LTV1: variants seen among roughly 807,000 people sequenced by gnomAD.
The protein encoded by LTV1 is protein LTV1 homolog.
LTV1 carries 39 observed loss-of-function variants against 59.9 expected under a neutral mutation model. The ratio of observed to expected loss-of-function variants is 0.65; its 90% CI spans 0.50 to 0.85. LTV1 has a LOEUF of 0.85. Among genes scored for constraint, LTV1 ranks in the 40% least tolerant of loss-of-function variants. The pLI is 0.00. For synonymous variants in LTV1, 171 were observed against 189.5 expected (o/e 0.90, Z 0.80); for missense variants, 493 against 549.1 (o/e 0.90, Z 1.02).
intron 4 of LTV1, among the ~76,000 whole-genome samples, chr6:143,856,674 T>A (rs961847678): frequency 6.6e-6 from 1 of 152,212 alleles, no homozygotes; most frequent in Non-Finnish European, 1.5e-5. Flanking sequence ...TAGGTTTATT[T>A]CTAACAGTCA....
In LTV1 at chr6:143,846,346, A is replaced by G. The variant is rs746370923; in HGVS notation, c.309+122A>G. 26 of 852,116 alleles carry G rather than the reference A, an allele frequency of 3.1e-5. No homozygotes were observed. In the African/African-American group the frequency reaches 4.0e-4, roughly 13 times the overall value. The allele number at this position is 852,116 out of a possible 1,614,324, so 52.8% of individuals were successfully genotyped here. A position where few individuals can be genotyped will look rare whatever the true frequency, so the allele number is the denominator to read the frequency against. ...GAGCACAAAGATAGACCACGCCTCC[A>G]CTTAAAATTATATATGTGTATGCAT... On this transcript the variant is annotated intron_variant, in intron 3 of 10. Coordinates refer to ENST00000367576, the MANE Select transcript of LTV1 (RefSeq NM_032860.5).
chr6:143,844,745 T>G, intron 2 of LTV1, 128 bp downstream of exon 2: 1 of 952,570 alleles, frequency 1.0e-6, no homozygotes, highest in South Asian at 2.2e-5. Context: ...ACTTAAGCAG[T>G]CCTCCCAGCT....
intron 3 of LTV1, among the ~76,000 whole-genome samples, chr6:143,847,486 C>T (rs1293159850): frequency 6.6e-6 from 1 of 152,158 alleles, no homozygotes; most frequent in Non-Finnish European, 1.5e-5. Flanking sequence ...CTCAGCCTCC[C>T]TAGAAGCTGG....
Position 143,862,396 on chromosome 6 carries a change from C to A in LTV1, c.1063+153C>A, listed in dbSNP as rs1336165366. Among the ~76,000 whole-genome samples the A allele has an allele frequency of 6.6e-6, 1 of 152,056 alleles. No homozygotes were observed. Among genetic ancestry groups the A allele is most frequent in the Non-Finnish European group, 1.5e-5 (1 of 68,000 alleles). On this transcript the variant is annotated intron_variant, in intron 8 of 10. Transcript: ENST00000367576. This position sits in a 1 kb window ranked among gnomAD's most constrained non-coding sequence, Gnocchi z 4.2. ...TGTCAGGAGTTCAAGACCAGCCTGG[C>A]CAACATGGTGAAACCCCGTGTCTAC... is the stretch of plus-strand genomic sequence containing the variant.
In LTV1 at chr6:143,863,099, G is replaced by A. The variant is rs148483467; in HGVS notation, c.1130G>A (p.Arg377Gln). The A allele has an allele frequency of 6.2e-6, 10 of 1,613,388 alleles. No individual in the cohort carries two copies. The highest frequency in any genetic ancestry group is 1.7e-5 in the Admixed American group (1 of 59,966). The change falls in exon 10 of 11, where the codon CGA becomes CAA. Residue 377 changes from arginine to glutamine, a missense_variant. Coordinates refer to ENST00000367576, the MANE Select transcript of LTV1 (RefSeq NM_032860.5). The surrounding 1 kb of genome is among the most constrained non-coding windows in gnomAD (Gnocchi z 4.5). ...IKYQPKPKQIRISSKTGIPLN... is the reference protein window; with the variant it reads ...IKYQPKPKQIQISSKTGIPLN... ...TCTGTATTTCAGCCCAAACAAATTC[G>A]AATATCTTCTAAAACAGGAATACCT...
In LTV1 at chr6:143,863,420, C is replaced by A. The variant is rs145954398; in HGVS notation, c.1321C>A (p.Arg441=). The A allele has an allele frequency of 6.2e-7, 1 of 1,611,660 alleles. No homozygotes were observed. Among genetic ancestry groups the A allele is most frequent in the East Asian group, 2.2e-5 (1 of 44,816 alleles). The change falls in exon 11 of 11, where the codon CGA becomes AGA. Residue 441 remains arginine (R), a synonymous_variant. Coordinates refer to ENST00000367576, the MANE Select transcript of LTV1 (RefSeq NM_032860.5). The surrounding 1 kb of genome is among the most constrained non-coding windows in gnomAD (Gnocchi z 4.5). ...KQAIKEERKE[R]RVEKKANKLA... The stretch of plus-strand genomic sequence containing the variant: ...TATATTCTTGTACTTATAACAGGAA[C>A]GAAGAGTGGAGAAGAAAGCTAACAA...
rs140442587 is a variant in LTV1, at chr6:143,852,209, A to C, written c.397+1991A>C. On this transcript the variant is annotated intron_variant, in intron 4 of 10. Coordinates refer to ENST00000367576, the MANE Select transcript of LTV1 (RefSeq NM_032860.5). ...CCAACAACAACATAAAAGCGTTCCT[A>C]TTTCTCCACATCCTCTCCAGAATCT... 4.1e-3 allele frequency among the ~76,000 whole-genome samples: 631 copies of C among 152,274 alleles called. 6 individuals are homozygous for C. The highest frequency in any genetic ancestry group is 0.018 in the South Asian group (85 of 4,820).
In LTV1 at chr6:143,863,146, G is replaced by GC. The variant is rs1444327436; in HGVS notation, c.1177_1178insC (p.Gly393AlafsTer8). 1 of 1,613,804 alleles carries GC rather than the reference G, an allele frequency of 6.2e-7. No individual in the cohort carries two copies. The highest frequency in any genetic ancestry group is 1.7e-5 in the Admixed American group (1 of 59,996). ...ACCTCTCAATGTCTTACCAAAGAAAGGACTCACAGCAAAGCAAACTGAAAG... is the reference window on the plus strand; with the variant it reads ...ACCTCTCAATGTCTTACCAAAGAAAGCGACTCACAGCAAAGCAAACTGAAAG... On this transcript the variant is annotated frameshift_variant, in exon 10 of 11. Transcript: ENST00000367576. LOFTEE classifies it high-confidence loss of function. The surrounding 1 kb of genome is among the most constrained non-coding windows in gnomAD (Gnocchi z 4.5).
rs1777217470 is a variant in LTV1 at position 143,863,795 on chromosome 6, A to G, written c.*268A>G. The G allele has an allele frequency of 1.1e-5, 3 of 271,350 alleles. No individual in the cohort carries two copies. Among genetic ancestry groups the G allele is most frequent in the African/African-American group, 2.2e-5 (1 of 45,432 alleles). 16.8% of individuals were successfully genotyped at this position (271,350 alleles called of 1,614,324 possible). ...GAAATGTTTGATAAATTAAAGGAAA[A>G]TATCTTCATAACGTGAATGGAATTG... On this transcript the variant is annotated 3_prime_UTR_variant, in exon 11 of 11. Transcript: ENST00000367576. This position sits in a 1 kb window ranked among gnomAD's most constrained non-coding sequence, Gnocchi z 4.5.
chr6:143,846,165 T>G lies in LTV1; in HGVS notation c.250T>G (p.Ser84Ala). ...ATCTGGGCCTTCAGAGCTTATTCCCTCAAGTACCTTCAGTGCACACAACAG... is the reference window on the plus strand; with the variant it reads ...ATCTGGGCCTTCAGAGCTTATTCCCGCAAGTACCTTCAGTGCACACAACAG... ...EPSGPSELIPSSTFSAHNRRE... is the reference protein window; with the variant it reads ...EPSGPSELIPASTFSAHNRRE... The change falls in exon 3 of 11, where the codon TCA (serine) becomes GCA (alanine). Residue 84 changes from serine to alanine, a missense_variant. By Grantham distance (99) the Ser-to-Ala change is moderately conservative (BLOSUM62 1). Coordinates refer to ENST00000367576, the MANE Select transcript of LTV1 (RefSeq NM_032860.5). 6.2e-7 allele frequency: 1 copy of G among 1,614,170 alleles called. No individual in the cohort carries two copies. Among genetic ancestry groups the G allele is most frequent in the South Asian group, 1.1e-5 (1 of 91,080 alleles).
chr6:143,857,152 A>T lies in LTV1; in HGVS notation c.398-151A>T. The T allele has an allele frequency of 1.1e-6, 1 of 926,166 alleles. No homozygotes were observed. Among genetic ancestry groups the T allele is most frequent in the Non-Finnish European group, 1.6e-6 (1 of 611,820 alleles). The allele number at this position is 926,166 out of a possible 1,614,324, so 57.4% of individuals were successfully genotyped here. A position where few individuals can be genotyped will look rare whatever the true frequency, so the allele number is the denominator to read the frequency against. ...TTTTGTCTTGGAGTGTTCATTCTTT[A>T]TTCTTCACTAGACTGAACTTAGTTC... On this transcript the variant is annotated intron_variant, in intron 4 of 10. Transcript: ENST00000367576. The surrounding 1 kb of genome is among the most constrained non-coding windows in gnomAD (Gnocchi z 5.2).
chr6:143,857,934 C>T lies in LTV1; in HGVS notation c.722C>T (p.Thr241Met). ...AGTGAGGAAACAAAGAGTCGCTTCA[C>T]GGAGTATTCGATGACTTCCTCAGTC... ...FWSEETKSRFTEYSMTSSVMR... is the reference protein window; with the variant it reads ...FWSEETKSRFMEYSMTSSVMR... The change falls in exon 6 of 11, where the codon ACG becomes ATG. Residue 241 changes from threonine (T) to methionine (M), a missense_variant. Thr to Met is a moderately conservative substitution (Grantham distance 81, BLOSUM62 -1). Coordinates refer to ENST00000367576, the MANE Select transcript of LTV1 (RefSeq NM_032860.5). This position sits in a 1 kb window ranked among gnomAD's most constrained non-coding sequence, Gnocchi z 5.2. 2 of 1,613,948 alleles carry T rather than the reference C, an allele frequency of 1.2e-6. No individual in the cohort carries two copies. The highest frequency in any genetic ancestry group is 1.7e-6 in the Non-Finnish European group (2 of 1,179,948).
In LTV1 at chr6:143,844,514, A is replaced by G; in HGVS notation, c.32A>G (p.Glu11Gly). 6.2e-7 allele frequency: 1 copy of G among 1,614,078 alleles called. No homozygotes were observed. The highest frequency in any genetic ancestry group is 1.1e-5 in the South Asian group (1 of 91,084). MPHRKKKPFI[E>G]KKKAVSFHLV... ...CACAGGAAGAAAAAGCCCTTTATAG[A>G]GAAGAAGAAAGCTGTGTCTTTTCAC... The change falls in exon 2 of 11, where the codon GAG (glutamate) becomes GGG (glycine). Residue 11 changes from glutamate to glycine, a missense_variant. Coordinates refer to ENST00000367576, the MANE Select transcript of LTV1 (RefSeq NM_032860.5).
At chr6:143,858,651 A>G (rs1777117223) in intron 6 of LTV1, 1 of 153,430 alleles carries the variant, frequency 6.5e-6, no homozygotes, top group African/African-American at 2.4e-5. Context: ...GACTCTAAAG[A>G]TAGAAGCAGT....
At chr6:143,860,359 T>G (rs1417600520) in intron 6 of LTV1, 67 bp from the exon 7 acceptor site, 4 of 1,452,842 alleles carry the variant, frequency 2.8e-6, no homozygotes, top group Non-Finnish European at 3.7e-6. Flanking sequence ...GTAAAAAAAT[T>G]TTTAAGTGTG....
At chr6:143,850,043 A>C (rs1776956406) in intron 3 of LTV1, 88 bp from the exon 4 acceptor site, 4 of 929,504 alleles carry the variant, frequency 4.3e-6, no homozygotes, top group Non-Finnish European at 6.9e-6. Flanking sequence ...TTCTGGATGG[A>C]CATTGATTTG....
chr6:143,858,495 T>G (rs1777114845), intron 6 of LTV1: 1 of 158,742 alleles, frequency 6.3e-6, no homozygotes, highest in Non-Finnish European at 1.4e-5. Flanking sequence ...TGTCTCAGAT[T>G]AGAATGTGAA....
At chr6:143,859,539 G>T (rs949572385) in intron 6 of LTV1, among the ~76,000 whole-genome samples, 2 of 152,164 alleles carry the variant, frequency 1.3e-5, no homozygotes, top group Non-Finnish European at 2.9e-5. Context: ...AGGAATAGTT[G>T]CCATCCAGGT....
chr6:143,850,182 G>C lies in LTV1; in HGVS notation c.361G>C (p.Asp121His). Residue 121 changes from aspartate to histidine, a missense_variant, in exon 4 of 11, where the codon GAT (aspartate) becomes CAT (histidine). Physicochemically the swap from Asp to His is moderately conservative, Grantham distance 81. Coordinates refer to ENST00000367576, the MANE Select transcript of LTV1 (RefSeq NM_032860.5). ...SSVFASEFEE[D>H]VGLLNKAAPV... is the part of the protein sequence containing the mutation. ...AGTGTTTGCTTCAGAGTTTGAGGAAGATGTTGGATTGTTAAATAAAGCAGC... is the reference window on the plus strand; with the variant it reads ...AGTGTTTGCTTCAGAGTTTGAGGAACATGTTGGATTGTTAAATAAAGCAGC... The C allele has an allele frequency of 6.2e-7, 1 of 1,613,746 alleles. No individual in the cohort carries two copies. Among genetic ancestry groups the C allele is most frequent in the East Asian group, 2.2e-5 (1 of 44,852 alleles).
Sources: gnomAD v4.1 joint callset for allele counts (sites outside exome capture counted in the v4.1 genomes callset) on GRCh38, gnomAD v4.1.1 for gene constraint, Gnocchi (gnomAD v3.1) non-coding constraint, MANE v1.5 for transcripts, NCBI Gene and HGNC (gene_info 2026-07-23, HGNC 2026-07-21) for gene names.